The following CALD1 variants were observed in gnomAD, a reference collection of about 807,000 sequenced individuals.
CALD1 encodes the protein caldesmon 1.
In CALD1, 33 loss-of-function variants were observed where a neutral mutation model predicts 99.9. The observed-to-expected ratio is 0.33, with a 90% CI of 0.25 to 0.44. The LOEUF is 0.44. Ranked by LOEUF, CALD1 falls within the 20% of genes least tolerant of loss-of-function variation. The probability of loss-of-function intolerance (pLI) is 1.00; values close to 1 mark genes in which losing one functional copy is unlikely to be tolerated. For missense variants in CALD1, 861 were observed against 962.1 expected (o/e 0.89, Z 1.39); for synonymous variants, 310 against 325.0 (o/e 0.95, Z 0.50).
rs1806986732 is a variant in CALD1 at position 134,947,527 on chromosome 7, A to G, written c.1552A>G (p.Ser518Gly). 1 of 1,568,902 alleles carries G rather than the reference A, an allele frequency of 6.4e-7. No homozygotes were observed. ...CCACAGCCGCCCTGGAGGGAGGGCC[A>G]GCGTGGACACCAAGGAGGCTGAGGG... Reference protein sequence around the residue: ...NTFSRPGGRASVDTKEAEGAP... With the variant: ...NTFSRPGGRAGVDTKEAEGAP... The change falls in exon 8 of 15, where the codon AGC becomes GGC. Residue 518 changes from serine (S) to glycine (G), a missense_variant. Transcript: ENST00000361675.
At position 134,795,887 on chromosome 7, in the gene CALD1, C is replaced by T. The variant is rs79585910; in HGVS notation, c.-130+16138C>T. On this transcript the variant is annotated intron_variant, in intron 1 of 14. Coordinates refer to ENST00000361675, the MANE Select transcript of CALD1 (RefSeq NM_033138.4). The stretch of plus-strand genomic sequence containing the variant: ...AGCTCCCTACGACCCTAAGACTTGA[C>T]AGAGTCATCCCCAGCCAGCCTGGAG... 7.0e-3 allele frequency among the ~76,000 whole-genome samples: 1,062 copies of T among 152,330 alleles called. 22 individuals are homozygous for T. The highest frequency in any genetic ancestry group is 0.024 in the African/African-American group (1,000 of 41,578).
At chr7:134,858,579 T>TC (rs1800417534) in intron 2 of CALD1, among the ~76,000 whole-genome samples, 1 of 151,980 alleles carries the variant, frequency 6.6e-6, no homozygotes. Context: ...TTGAAAGATC[T>TC]CTTTTTTTTT....
chr7:134,965,376 C>T lies in CALD1; in HGVS notation c.2366C>T (p.Ser789Phe). 1 of 1,509,988 alleles carries T rather than the reference C, an allele frequency of 6.6e-7. No individual in the cohort carries two copies. The highest frequency in any genetic ancestry group is 9.2e-7 in the Non-Finnish European group (1 of 1,084,898). The allele number at this position is 1,509,988 out of a possible 1,614,324, so 93.5% of individuals were successfully genotyped here. ...WEKQSVDKVT[S>F]PTKV ...AAGCAATCTGTGGATAAGGTCACTT[C>T]CCCCACTAAGGTAATCTATTGGGAA... Residue 789 changes from serine to phenylalanine, a missense_variant, in exon 14 of 15, where the codon TCC becomes TTC. Transcript: ENST00000361675.
At chr7:134,861,273 G>C (rs1800552304) in intron 2 of CALD1, among the ~76,000 whole-genome samples, 1 of 152,164 alleles carries the variant, frequency 6.6e-6, no homozygotes, top group Admixed American at 6.5e-5. Context: ...GTCACTATTT[G>C]CCAAGGGTTT....
At chr7:134,843,131 C>T (rs1799716060) in intron 1 of CALD1, among the ~76,000 whole-genome samples, 1 of 152,208 alleles carries the variant, frequency 6.6e-6, no homozygotes, top group Non-Finnish European at 1.5e-5. Flanking sequence ...TCCTTCCTTA[C>T]TACCTCCGGT....
intron 1 of CALD1, among the ~76,000 whole-genome samples, chr7:134,758,128 C>T (rs908424263): frequency 3.3e-5 from 5 of 152,080 alleles, no homozygotes; most frequent in East Asian, 1.9e-4. Flanking sequence ...GCTGAGTGTG[C>T]GGGTGATGCT....
intron 3 of CALD1, among the ~76,000 whole-genome samples, chr7:134,900,890 G>A (rs1422882756): frequency 1.3e-5 from 2 of 151,886 alleles, no homozygotes; most frequent in African/African-American, 4.8e-5. Flanking sequence ...ACTGATAGAC[G>A]CCAGGGTGAA....
At chr7:134,768,751 A>G (rs1011906018) in intron 1 of CALD1, among the ~76,000 whole-genome samples, 1 of 152,246 alleles carries the variant, frequency 6.6e-6, no homozygotes, top group Non-Finnish European at 1.5e-5. Context: ...TGCAGTGTTA[A>G]CAGATGTAAT....
chr7:134,781,933 A>G (rs1490101723), intron 1 of CALD1, among the ~76,000 whole-genome samples: 1 of 152,254 alleles, frequency 6.6e-6, no homozygotes, highest in Non-Finnish European at 1.5e-5. Flanking sequence ...AGAATCATTA[A>G]CAATTCTAAT....
At position 134,950,387 on chromosome 7, in the gene CALD1, G is replaced by A. The variant is rs1807241739; in HGVS notation, c.1808G>A (p.Arg603Lys). 2 of 1,614,108 alleles carry A rather than the reference G, an allele frequency of 1.2e-6. No individual in the cohort carries two copies. The highest frequency in any genetic ancestry group is 1.7e-6 in the Non-Finnish European group (2 of 1,179,986). Reference sequence around the variant, plus strand: ...TTTCTCTCTTAGGAAGAGAAGAGGAGGCTAAAGGAAGAGATTGAAAGGCGA... The same window carrying A: ...TTTCTCTCTTAGGAAGAGAAGAGGAAGCTAAAGGAAGAGATTGAAAGGCGA... ...RKLREEEEKR[R>K]LKEEIERRRA... is the part of the protein sequence containing the mutation. Residue 603 changes from arginine (R) to lysine (K), a missense_variant, in exon 9 of 15, where the codon AGG becomes AAG. Arg to Lys is a conservative substitution (Grantham distance 26). This residue lies in a region of CALD1 where 190 missense variants were observed against 249.0 expected (regional missense o/e 0.76). Coordinates refer to ENST00000361675, the MANE Select transcript of CALD1 (RefSeq NM_033138.4).
At chr7:134,745,513 C>A (rs1796628215) in intron 1 of CALD1, 1 of 152,100 alleles carries the variant, frequency 6.6e-6, no homozygotes, top group African/African-American at 2.4e-5. Context: ...TTCAGGGGTG[C>A]CTTCCTTGAA....
At chr7:134,965,993 C>T (rs1711884202) in intron 14 of CALD1, among the ~76,000 whole-genome samples, 1 of 152,170 alleles carries the variant, frequency 6.6e-6, no homozygotes, top group African/African-American at 2.4e-5. Context: ...CTAAATGATG[C>T]TTACACTGCA....
intron 2 of CALD1, among the ~76,000 whole-genome samples, chr7:134,846,089 G>T (rs1396857319): frequency 6.6e-6 from 1 of 152,042 alleles, no homozygotes. Context: ...ACTTCCTTTG[G>T]GCCCATTTTC....
intron 1 of CALD1, among the ~76,000 whole-genome samples, chr7:134,814,719 G>C (rs1310919861): frequency 6.6e-6 from 1 of 151,772 alleles, no homozygotes; most frequent in Admixed American, 6.6e-5. Context: ...TCCAGAAGAA[G>C]GTCAGATAAA....
At chr7:134,943,958 C>A (rs921975757) in intron 7 of CALD1, among the ~76,000 whole-genome samples, 1 of 152,178 alleles carries the variant, frequency 6.6e-6, no homozygotes, top group African/African-American at 2.4e-5. Context: ...TAATGACGGA[C>A]ATTTTGATTG....
At chr7:134,925,365 G>T (rs1011391858) in intron 3 of CALD1, among the ~76,000 whole-genome samples, 4 of 152,168 alleles carry the variant, frequency 2.6e-5, no homozygotes, top group African/African-American at 9.7e-5. Flanking sequence ...TCTGAAAATA[G>T]TGGGAAATTA....
intron 9 of CALD1, among the ~76,000 whole-genome samples, chr7:134,956,873 T>G (rs1807813545): frequency 1.3e-5 from 2 of 152,348 alleles, no homozygotes; most frequent in Admixed American, 1.3e-4. Flanking sequence ...AGCCTGGAGT[T>G]GGGTGTGGCA....
At chr7:134,948,780 C>T (rs571570238) in intron 8 of CALD1, among the ~76,000 whole-genome samples, 1 of 152,250 alleles carries the variant, frequency 6.6e-6, no homozygotes, top group Admixed American at 6.5e-5. Flanking sequence ...TCTCTTTTAA[C>T]TCCAACTTTC....
intron 1 of CALD1, among the ~76,000 whole-genome samples, chr7:134,823,690 T>G (rs1435829904): frequency 6.6e-6 from 1 of 152,240 alleles, no homozygotes; most frequent in Non-Finnish European, 1.5e-5. Flanking sequence ...CCAAACTGTT[T>G]TGACTGAAGC....
Sources: gnomAD v4.1 joint callset for allele counts (sites outside exome capture counted in the v4.1 genomes callset) on GRCh38, gnomAD v4.1.1 for gene constraint, gnomAD v4.1.1 regional missense constraint, MANE v1.5 for transcripts, NCBI Gene and HGNC (gene_info 2026-07-23, HGNC 2026-07-21) for gene names.